The following TLK1 variants were observed in gnomAD, a reference collection of about 807,000 sequenced individuals.
TLK1 encodes serine/threonine-protein kinase tousled-like 1.
A neutral mutation model predicts 105.3 loss-of-function variants in TLK1; 24 were observed. The observed-to-expected ratio is 0.23, with a 90% CI of 0.17 to 0.32. The LOEUF (loss-of-function observed/expected upper bound fraction) is 0.32, where lower values mean the gene tolerates loss of function less well. TLK1 is among the 10% of genes least tolerant of loss of function. TLK1 has a pLI of 1.00. For synonymous variants in TLK1, 321 were observed against 310.4 expected (o/e 1.03, Z -0.36); for missense variants, 558 against 910.5 (o/e 0.61, Z 4.98).
intron 11 of TLK1, among the ~76,000 whole-genome samples, chr2:171,031,960 C>T (rs557133657): frequency 2.6e-5 from 4 of 152,162 alleles, no homozygotes; most frequent in South Asian, 2.1e-4. Context: ...TGGTGGTGCA[C>T]GCCTGTAGTC....
chr2:171,155,426 A>G (rs183421493), intron 1 of TLK1, among the ~76,000 whole-genome samples: 10 of 151,698 alleles, frequency 6.6e-5, no homozygotes, highest in Admixed American at 6.0e-4. Context: ...AGACAGAAAA[A>G]TCCTCAGAGG....
At chr2:171,128,015 T>G (rs1392386567) in intron 1 of TLK1, among the ~76,000 whole-genome samples, 1 of 152,150 alleles carries the variant, frequency 6.6e-6, no homozygotes, top group East Asian at 1.9e-4. Context: ...TATAACCCTG[T>G]GGTAGAGAAG....
At chr2:171,230,737 A>C (rs139943674) in intron 1 of TLK1, among the ~76,000 whole-genome samples, 197 of 152,332 alleles carry the variant, frequency 1.3e-3, no homozygotes, top group African/African-American at 4.6e-3. Context: ...TACTACAGTT[A>C]CATAATCATT....
At chr2:171,086,728 G>C (rs374346885) in intron 2 of TLK1, among the ~76,000 whole-genome samples, 3 of 152,028 alleles carry the variant, frequency 2.0e-5, no homozygotes, top group East Asian at 3.9e-4. Context: ...CTGAGGGGAA[G>C]GTCCCGGAGA....
chr2:171,042,215 C>A lies in TLK1; in HGVS notation c.1169+3959G>T, dbSNP rs550051301. Among the ~76,000 whole-genome samples, 18 of 152,144 alleles carry A rather than the reference C, an allele frequency of 1.2e-4. No homozygotes were observed. In the East Asian group the frequency reaches 2.5e-3, roughly 21 times the overall value. ...GTGACAAACCAGAAAGATGATCTAT[C>A]AAAAAGAAAATGAAATTCGATCAAA... On this transcript the variant is annotated intron_variant, in intron 11 of 20. Transcript: ENST00000431350.
rs2105448659 is a variant in TLK1, at chr2:171,062,929, G to C, written c.331-1773C>G. 2.6e-5 allele frequency among the ~76,000 whole-genome samples: 4 copies of C among 152,214 alleles called. No homozygotes were observed. In the South Asian group the frequency reaches 8.3e-4, roughly 32 times the overall value. On this transcript the variant is annotated intron_variant, in intron 3 of 20. Coordinates refer to ENST00000431350, the MANE Select transcript of TLK1 (RefSeq NM_012290.5). ...GGTAGACTGATGTACCAGCAATTTT[G>C]GGTAGGTAGTTTACTACTTTTGTTT...
At chr2:171,040,099 TAAAC>T (rs1002300670) in intron 11 of TLK1, among the ~76,000 whole-genome samples, 3 of 149,076 alleles carry the variant, frequency 2.0e-5, no homozygotes, top group Non-Finnish European at 3.0e-5. Context: ...AAGAATAAAA[TAAAC>T]AAAAACTGGT....
At chr2:171,028,432 C>T (rs775889906) in intron 11 of TLK1, 27 bp from the exon 12 acceptor site, 3 of 1,450,798 alleles carry the variant, frequency 2.1e-6, no homozygotes, top group East Asian at 2.3e-5. Flanking sequence ...TTTAATTCTA[C>T]ATATTGAGAT....
Position 171,055,184 on chromosome 2 carries a change from A to G in TLK1, c.550-12T>C. The G allele has an allele frequency of 5.9e-6, 7 of 1,192,018 alleles. No homozygotes were observed. Among genetic ancestry groups the G allele is most frequent in the Non-Finnish European group, 8.0e-6 (7 of 877,376 alleles). The allele number at this position is 1,192,018 out of a possible 1,614,324, so 73.8% of individuals were successfully genotyped here. ...CTATTCGGTCGAACCTAAAGAAATT[A>G]TTAAAATTTTTATATTAGCAAAAAA... On this transcript the variant is annotated splice_polypyrimidine_tract_variant and intron_variant, in intron 6 of 20. Transcript: ENST00000431350.
chr2:171,147,912 A>G (rs544964048), intron 1 of TLK1, among the ~76,000 whole-genome samples: 18 of 149,542 alleles, frequency 1.2e-4, no homozygotes, highest in African/African-American at 4.2e-4. Context: ...TTTTTTTGAG[A>G]CAGAGTCTCA....
At chr2:171,095,375 G>A (rs1053378512) in intron 2 of TLK1, among the ~76,000 whole-genome samples, 7 of 151,870 alleles carry the variant, frequency 4.6e-5, no homozygotes, top group African/African-American at 1.7e-4. Flanking sequence ...TCTTTAGCAA[G>A]TCCTACCAAG....
At chr2:171,178,476 C>T (rs1251751925) in intron 1 of TLK1, among the ~76,000 whole-genome samples, 1 of 152,188 alleles carries the variant, frequency 6.6e-6, no homozygotes, top group Non-Finnish European at 1.5e-5. Flanking sequence ...CCTCCATCTT[C>T]CCTCTTCATT....
chr2:171,202,920 T>C (rs1051818755), intron 1 of TLK1, among the ~76,000 whole-genome samples: 9 of 152,312 alleles, frequency 5.9e-5, no homozygotes, highest in Admixed American at 2.6e-4. Context: ...AAAATTTCCA[T>C]TTCTGTAGAA....
chr2:171,094,990 A>C (rs576296276), intron 2 of TLK1, among the ~76,000 whole-genome samples: 8 of 152,214 alleles, frequency 5.3e-5, no homozygotes, highest in Non-Finnish European at 1.0e-4. Context: ...GTTATAAATC[A>C]CAAACATGCA....
intron 1 of TLK1, among the ~76,000 whole-genome samples, chr2:171,220,991 G>C (rs181821246): frequency 5.9e-5 from 9 of 152,186 alleles, no homozygotes; most frequent in Admixed American, 3.9e-4. Flanking sequence ...TTTGAGACCA[G>C]GTTGGGCAAG....
intron 1 of TLK1, among the ~76,000 whole-genome samples, chr2:171,156,799 A>T (rs934376999): frequency 1.3e-5 from 2 of 151,974 alleles, no homozygotes; most frequent in Admixed American, 1.3e-4. Flanking sequence ...TTAAATATGG[A>T]AACAGAGGAA....
chr2:171,167,101 G>C (rs1228854042), intron 1 of TLK1, among the ~76,000 whole-genome samples: 1 of 152,186 alleles, frequency 6.6e-6, no homozygotes, highest in East Asian at 1.9e-4. Flanking sequence ...ATGTGATCAT[G>C]GGAACTCAGA....
At position 171,110,431 on chromosome 2, in the gene TLK1, T is replaced by G. The variant is rs190930412; in HGVS notation, c.258+7308A>C. Among the ~76,000 whole-genome samples, 552 of 152,344 alleles carry G rather than the reference T, an allele frequency of 3.6e-3. 6 individuals are homozygous for G. Among genetic ancestry groups the G allele is most frequent in the African/African-American group, 0.012 (509 of 41,584 alleles). ...TTGCAGTGAGCCAAGGTTGTGCCAC[T>G]GCACTCCAGTTGGGCGACAGAGCAA... On this transcript the variant is annotated intron_variant, in intron 2 of 20. Coordinates refer to ENST00000431350, the MANE Select transcript of TLK1 (RefSeq NM_012290.5).
chr2:171,095,796 TA>T (rs1226970846), intron 2 of TLK1, among the ~76,000 whole-genome samples: 20 of 147,550 alleles, frequency 1.4e-4, no homozygotes, highest in South Asian at 2.2e-4. Context: ...TTTCATGATT[TA>T]AAAAAAAAAA....
Sources: allele counts gnomAD v4.1 joint callset (sites outside exome capture counted in the v4.1 genomes callset), GRCh38; gene constraint gnomAD v4.1.1; transcripts MANE v1.5; gene names NCBI Gene and HGNC (gene_info 2026-07-23, HGNC 2026-07-21).